DACT2: variants seen among roughly 807,000 people sequenced by gnomAD.
The protein encoded by DACT2 is dapper homolog 2.
Under a neutral mutation model 22.2 loss-of-function variants are expected in DACT2, and 20 were observed. The observed-to-expected ratio is 0.90, with a 90% confidence interval of 0.63 to 1.31. DACT2 has a LOEUF of 1.31. Ranked by LOEUF, DACT2 falls within the 50% of genes most tolerant of loss-of-function variation. The probability of loss-of-function intolerance (pLI) is 0.00; values close to 1 mark genes in which losing one functional copy is unlikely to be tolerated. For synonymous variants in DACT2, 463 were observed against 479.8 expected (o/e 0.96, Z 0.46); for missense variants, 1,048 against 1,061.4 (o/e 0.99, Z 0.18).
intron 1 of DACT2, among the ~76,000 whole-genome samples, chr6:168,315,289 A>G (rs983421499): frequency 2.6e-5 from 4 of 152,100 alleles, no homozygotes; most frequent in Non-Finnish European, 4.4e-5. Context: ...CAGTCTACTC[A>G]TGGGCCCTGA....
chr6:168,313,029 C>T (rs1583301902), intron 1 of DACT2, among the ~76,000 whole-genome samples: 1 of 152,318 alleles, frequency 6.6e-6, no homozygotes, highest in East Asian at 1.9e-4. Flanking sequence ...CCAAAGTTTG[C>T]ACAGTGACAG....
chr6:168,319,721 C>T lies in DACT2; in HGVS notation c.-88G>A, dbSNP rs1474627757. ...GATCCCGAGCTGTGTCGCGGGTCCTCCTGCGCCTCCTCTCTCCGCCCCCGG... is the reference window on the plus strand; with the variant it reads ...GATCCCGAGCTGTGTCGCGGGTCCTTCTGCGCCTCCTCTCTCCGCCCCCGG... On this transcript the variant is annotated 5_prime_UTR_variant, in exon 1 of 4. Coordinates refer to ENST00000366795, the MANE Select transcript of DACT2 (RefSeq NM_214462.5). 7 of 1,183,420 alleles carry T rather than the reference C, an allele frequency of 5.9e-6. No individual in the cohort carries two copies. The East Asian group carries it at 1.8e-4, about 31-fold the overall frequency. The allele number at this position is 1,183,420 out of a possible 1,614,324, so 73.3% of individuals were successfully genotyped here.
rs766679635 is a variant in DACT2, at chr6:168,308,754, C to T, written c.1003G>A (p.Asp335Asn). The T allele has an allele frequency of 8.4e-6, 13 of 1,551,298 alleles. No homozygotes were observed. Among genetic ancestry groups the T allele is most frequent in the Admixed American group, 3.9e-5 (2 of 50,992 alleles). ...CGGCCCCACAGATGCAGCAACCTGT[C>T]GATATAAGCTCTGGCCCTGGCCGGG... is the stretch of plus-strand genomic sequence containing the variant. ...AGPARARAYI[D>N]RLLHLWGRET... is the part of the protein sequence containing the mutation. Residue 335 changes from aspartate (D) to asparagine (N), a missense_variant, in exon 4 of 4, where the codon GAC becomes AAC. Physicochemically the swap from Asp to Asn is conservative, Grantham distance 23. Coordinates refer to ENST00000366795, the MANE Select transcript of DACT2 (RefSeq NM_214462.5).
chr6:168,307,367 C>A lies in DACT2; in HGVS notation c.*65G>T, dbSNP rs1779235247. 3 of 1,535,552 alleles carry A rather than the reference C, an allele frequency of 2.0e-6. No homozygotes were observed. Among genetic ancestry groups the A allele is most frequent in the Non-Finnish European group, 2.6e-6 (3 of 1,140,944 alleles). Reference sequence around the variant, plus strand: ...AAGACGACACTGAAACCCAGACATGCACAGGACACTGCATGGAAAGGGCCC... The same window carrying A: ...AAGACGACACTGAAACCCAGACATGAACAGGACACTGCATGGAAAGGGCCC... On this transcript the variant is annotated 3_prime_UTR_variant, in exon 4 of 4. Transcript: ENST00000366795. The surrounding 1 kb of genome is among the most constrained non-coding windows in gnomAD (Gnocchi z 5.3).
Position 168,307,154 on chromosome 6 carries a change from G to C in DACT2, c.*278C>G, listed in dbSNP as rs1389675976. The C allele has an allele frequency of 7.9e-7, 1 of 1,263,702 alleles. No individual in the cohort carries two copies. Among genetic ancestry groups the C allele is most frequent in the Non-Finnish European group, 1.0e-6 (1 of 1,002,934 alleles). 78.3% of individuals were successfully genotyped at this position (1,263,702 alleles called of 1,614,324 possible). ...AACATGGAAACAAGGTGCATGCCGGGAAGCAGCATCCTGGGCAGACCTTGA... is the reference window on the plus strand; with the variant it reads ...AACATGGAAACAAGGTGCATGCCGGCAAGCAGCATCCTGGGCAGACCTTGA... On this transcript the variant is annotated 3_prime_UTR_variant, in exon 4 of 4. Coordinates refer to ENST00000366795, the MANE Select transcript of DACT2 (RefSeq NM_214462.5). This position sits in a 1 kb window ranked among gnomAD's most constrained non-coding sequence, Gnocchi z 5.3.
chr6:168,310,013 C>T (rs979300492), intron 3 of DACT2, among the ~76,000 whole-genome samples, 155 bp downstream of exon 3: 4 of 152,252 alleles, frequency 2.6e-5, no homozygotes, highest in African/African-American at 9.6e-5. Context: ...TCCATCCAAA[C>T]CACCACGTGG....
In DACT2 at chr6:168,308,986, G is replaced by T; in HGVS notation, c.771C>A (p.Asp257Glu). 2.6e-6 allele frequency: 4 copies of T among 1,549,398 alleles called. No individual in the cohort carries two copies. Among genetic ancestry groups the T allele is most frequent in the Non-Finnish European group, 3.5e-6 (4 of 1,146,972 alleles). ...QGVDIPLHVP[D>E]PKYRQDLVSQ... ...ACACCAGGTCCTGCCGATACTTGGG[G>T]TCCGGCACGTGCAGCGGGATATCCA... The change falls in exon 4 of 4, where the codon GAC (aspartate) becomes GAA (glutamate). Residue 257 changes from aspartate to glutamate, a missense_variant. Asp to Glu is a conservative substitution (Grantham distance 45). Transcript: ENST00000366795.
chr6:168,311,018 C>T (rs969491154), intron 2 of DACT2, 134 bp downstream of exon 2: 7 of 1,176,916 alleles, frequency 5.9e-6, no homozygotes, highest in Admixed American at 6.5e-5. Flanking sequence ...CCTGACGAAG[C>T]GGCCATCTCC....
chr6:168,318,757 A>T (rs754272646), intron 1 of DACT2, among the ~76,000 whole-genome samples: 1 of 152,054 alleles, frequency 6.6e-6, no homozygotes, highest in Non-Finnish European at 1.5e-5. Context: ...GGGAAATCAG[A>T]GTCTCTCTCC....
At chr6:168,299,485 G>T (rs1190915741) in intron 3 of DACT2, 1 of 152,212 alleles carries the variant, frequency 6.6e-6, no homozygotes, top group African/African-American at 2.4e-5. Flanking sequence ...ATATTTGACA[G>T]TGAATAAATG....
intron 3 of DACT2, 80 bp from the exon 4 acceptor site, chr6:168,309,178 C>A: frequency 6.9e-7 from 1 of 1,440,552 alleles, no homozygotes; most frequent in Non-Finnish European, 9.1e-7. Flanking sequence ...TGCGTGGCAG[C>A]TGGGATGGAA....
chr6:168,311,560 T>TACACACA (rs1562498431), intron 1 of DACT2, among the ~76,000 whole-genome samples: 1 of 37,394 alleles, frequency 2.7e-5, no homozygotes, highest in African/African-American at 7.4e-5. Context: ...ATACACACAC[T>TACACACA]CACACACAAA....
At chr6:168,299,495 G>T (rs140999882) in intron 3 of DACT2, 160 of 152,306 alleles carry the variant, frequency 1.1e-3, no homozygotes, top group African/African-American at 3.6e-3. Flanking sequence ...GTGAATAAAT[G>T]AATATAAATA....
chr6:168,313,107 C>T (rs117143419), intron 1 of DACT2, among the ~76,000 whole-genome samples: 7,527 of 152,238 alleles, frequency 0.049, 250 homozygotes, highest in Middle Eastern at 0.11. Context: ...AGTGCAGTGG[C>T]GCGAGTTCAG....
downstream of DACT2, among the ~76,000 whole-genome samples, chr6:168,303,928 C>T (rs62424991): frequency 0.022 from 3,407 of 152,118 alleles, 51 homozygotes; most frequent in African/African-American, 0.036. Flanking sequence ...ATTCTTTATC[C>T]TTTCATTTTA....
rs1354852321 is a variant in DACT2, at chr6:168,310,413, G to A, written c.413C>T (p.Ser138Phe). Residue 138 changes from serine (S) to phenylalanine (F), a missense_variant, in exon 3 of 4, where the codon TCC becomes TTC. Ser to Phe is a radical substitution (Grantham distance 155). Transcript: ENST00000366795. ...FYEMSDGGSCSLSTSCASVCS... is the reference protein window; with the variant it reads ...FYEMSDGGSCFLSTSCASVCS... ...GACGGAGGCACAGGACGTGGACAGG[G>A]AGCAGGATCCACCGTCGCTCATCTC... 6.4e-7 allele frequency: 1 copy of A among 1,551,260 alleles called. No individual in the cohort carries two copies. The highest frequency in any genetic ancestry group is 1.2e-5 in the South Asian group (1 of 83,980).
At chr6:168,306,466 G>C (rs1358305210), downstream of DACT2, among the ~76,000 whole-genome samples, 1 of 149,654 alleles carries the variant, frequency 6.7e-6, no homozygotes, top group African/African-American at 2.5e-5. Context: ...CTTTTGAGAT[G>C]GAGTTTCACT....
intron 1 of DACT2, among the ~76,000 whole-genome samples, chr6:168,315,397 T>C (rs796887815): frequency 2.0e-5 from 3 of 152,170 alleles, no homozygotes; most frequent in African/African-American, 7.2e-5. Flanking sequence ...GAACGACAAG[T>C]TTCCTCACAG....
chr6:168,313,650 A>T (rs1015075462), intron 1 of DACT2, among the ~76,000 whole-genome samples: 1 of 152,156 alleles, frequency 6.6e-6, no homozygotes, highest in African/African-American at 2.4e-5. Flanking sequence ...AACCCATGGT[A>T]CTGACAGAAA....
Sources: allele counts gnomAD v4.1 joint callset (sites outside exome capture counted in the v4.1 genomes callset), GRCh38; gene constraint gnomAD v4.1.1; non-coding constraint Gnocchi (gnomAD v3.1); transcripts MANE v1.5; gene names NCBI Gene and HGNC (gene_info 2026-07-23, HGNC 2026-07-21).